Variants in NAA11 observed in about 807,000 individuals in gnomAD.
NAA11 encodes the protein N-alpha-acetyltransferase 11.
A neutral mutation model predicts 16.1 loss-of-function variants in NAA11; 15 were observed. The ratio of observed to expected loss-of-function variants is 0.93; its 90% CI spans 0.62 to 1.44. NAA11 has a LOEUF of 1.44. Ranked by LOEUF, NAA11 falls within the 40% of genes most tolerant of loss-of-function variation. The pLI, the probability that NAA11 is intolerant of heterozygous loss-of-function variation, is 0.00. For missense variants in NAA11, 298 were observed against 291.3 expected (o/e 1.02, Z -0.17); for synonymous variants, 122 against 112.4 (o/e 1.09, Z -0.54).
chr4:79,200,780 C>T, the NAA11 span, among the ~76,000 whole-genome samples: 1 of 151,782 alleles, frequency 6.6e-6, no homozygotes, highest in Non-Finnish European at 1.5e-5. Flanking sequence ...GCCTTTCACT[C>T]ATGCAACTCA....
chr4:79,197,543 G>T, the NAA11 span: 2 of 151,974 alleles, frequency 1.3e-5, no homozygotes, highest in African/African-American at 2.4e-5. Flanking sequence ...AAGCTTAAGA[G>T]CCATGCTATT....
At chr4:79,193,658 G>A in the NAA11 span, among the ~76,000 whole-genome samples, 2 of 152,262 alleles carry the variant, frequency 1.3e-5, no homozygotes, top group East Asian at 3.9e-4. Flanking sequence ...GTCAGGTAGT[G>A]TGATGCCTCC....
chr4:79,187,553 G>A, the NAA11 span, among the ~76,000 whole-genome samples: 1 of 152,116 alleles, frequency 6.6e-6, no homozygotes, highest in Non-Finnish European at 1.5e-5. Context: ...TTTATATTAG[G>A]TTCGGAAACG....
intron 1 of NAA11, among the ~76,000 whole-genome samples, chr4:79,303,435 G>A (rs571416623): frequency 2.6e-4 from 39 of 151,936 alleles, no homozygotes; most frequent in African/African-American, 8.9e-4. Context: ...CGACAGGTGC[G>A]CATCATTACA....
At chr4:79,193,412 A>G in the NAA11 span, among the ~76,000 whole-genome samples, 1 of 152,168 alleles carries the variant, frequency 6.6e-6, no homozygotes, top group Non-Finnish European at 1.5e-5. Context: ...TAAGGTGTAA[A>G]GGAAGGGATC....
chr4:79,190,726 C>T, the NAA11 span, among the ~76,000 whole-genome samples: 2 of 152,134 alleles, frequency 1.3e-5, no homozygotes, highest in South Asian at 4.2e-4. Flanking sequence ...CATTGGTAAA[C>T]TTGTGTTACA....
At chr4:79,318,708 G>A (rs1379172436) in intron 1 of NAA11, among the ~76,000 whole-genome samples, 1 of 152,172 alleles carries the variant, frequency 6.6e-6, no homozygotes, top group African/African-American at 2.4e-5. Flanking sequence ...GAACAGGTCA[G>A]AAAGACTATC....
intron 1 of NAA11, among the ~76,000 whole-genome samples, chr4:79,303,297 CT>C (rs1020230153): frequency 3.1e-4 from 47 of 151,728 alleles, no homozygotes; most frequent in African/African-American, 1.1e-3. Flanking sequence ...ATAATATCTT[CT>C]TGGCCTTTGT....
chr4:79,270,004 A>C (rs1244662391), intron 2 of NAA11, among the ~76,000 whole-genome samples: 1 of 151,806 alleles, frequency 6.6e-6, no homozygotes, highest in South Asian at 2.1e-4. Context: ...GTCAAAGATC[A>C]GACAGTTGTA....
the NAA11 span, among the ~76,000 whole-genome samples, chr4:79,214,775 G>A: frequency 6.6e-6 from 1 of 152,042 alleles, no homozygotes; most frequent in East Asian, 1.9e-4. Context: ...TGCAGTCTGG[G>A]CAACAGAGCA....
chr4:79,155,753 G>A, the NAA11 span, among the ~76,000 whole-genome samples: 2 of 152,226 alleles, frequency 1.3e-5, no homozygotes, highest in Non-Finnish European at 2.9e-5. Flanking sequence ...TAGTGTTTAT[G>A]ATTGATGACA....
At chr4:79,158,326 C>T in the NAA11 span, among the ~76,000 whole-genome samples, 1 of 152,066 alleles carries the variant, frequency 6.6e-6, no homozygotes, top group Non-Finnish European at 1.5e-5. Context: ...AGCAAATGAG[C>T]TGAAAATCAA....
intron 2 of NAA11, among the ~76,000 whole-genome samples, chr4:79,253,610 A>T (rs529933027): frequency 6.6e-6 from 1 of 152,348 alleles, no homozygotes; most frequent in East Asian, 1.9e-4. Context: ...GGGTGTCATT[A>T]GTGAGCCAAC....
chr4:79,251,560 T>C lies in NAA11; in HGVS notation c.*123-25290A>G, dbSNP rs72870805. ...TACCTGGGTGATGAAACAATCTGTA[T>C]AACAAACTCCCATAACAGGCAATTT... On this transcript the variant is annotated intron_variant and NMD_transcript_variant, in intron 2 of 2. Coordinates refer to the NAA11 transcript ENST00000511542. Among the ~76,000 whole-genome samples, 842 of 151,966 alleles carry C rather than the reference T, an allele frequency of 5.5e-3. 9 individuals are homozygous for C. The highest frequency in any genetic ancestry group is 0.019 in the African/African-American group (777 of 41,426).
chr4:79,273,481 G>A (rs1175852630), intron 2 of NAA11, among the ~76,000 whole-genome samples: 2 of 152,124 alleles, frequency 1.3e-5, no homozygotes, highest in Admixed American at 6.6e-5. Context: ...AAATACCTGA[G>A]TCACTTTAAA....
At chr4:79,197,663 T>C in the NAA11 span, 16 of 152,154 alleles carry the variant, frequency 1.1e-4, no homozygotes, top group African/African-American at 3.9e-4. Context: ...AGCAAACTTA[T>C]TGCTCTATGC....
chr4:79,325,712 C>T lies in NAA11; in HGVS notation c.166G>A (p.Val56Ile). The T allele has an allele frequency of 6.2e-7, 1 of 1,614,200 alleles. No homozygotes were observed. Among genetic ancestry groups the T allele is most frequent in the Non-Finnish European group, 8.5e-7 (1 of 1,180,030 alleles). Residue 56 changes from valine (V) to isoleucine (I), a missense_variant, in exon 1 of 2, where the codon GTT becomes ATT. Physicochemically the swap from Val to Ile is conservative, Grantham distance 29. Coordinates refer to ENST00000286794, the MANE Select transcript of NAA11 (RefSeq NM_032693.3). ...GGTTCCTCCTCCATTTTGGCCAGAA[C>T]ATAGCCCACAATCTTCCCGTCCTCA... ...EDEDGKIVGY[V>I]LAKMEEEPDD...
chr4:79,212,328 C>T, the NAA11 span, among the ~76,000 whole-genome samples: 1 of 152,026 alleles, frequency 6.6e-6, no homozygotes, highest in Admixed American at 6.6e-5. Context: ...TACTCTGGGC[C>T]ATTATTTCTC....
intron 2 of NAA11, among the ~76,000 whole-genome samples, chr4:79,230,305 G>A (rs1300451554): frequency 6.6e-6 from 1 of 151,752 alleles, no homozygotes; most frequent in Non-Finnish European, 1.5e-5. Context: ...GGATAGCATT[G>A]GGAGATATAC....
Sources: allele counts gnomAD v4.1 joint callset (sites outside exome capture counted in the v4.1 genomes callset), GRCh38; gene constraint gnomAD v4.1.1; transcripts MANE v1.5; gene names NCBI Gene and HGNC (gene_info 2026-07-23, HGNC 2026-07-21).